The following FBXL7 variants were observed in gnomAD, a reference collection of about 807,000 sequenced individuals.
FBXL7 encodes F-box and leucine rich repeat protein 7.
A neutral mutation model predicts 38.3 loss-of-function variants in FBXL7; 12 were observed. The observed-to-expected ratio is 0.31, with a 90% CI of 0.20 to 0.51. The LOEUF (loss-of-function observed/expected upper bound fraction) is 0.51, where lower values mean the gene tolerates loss of function less well. Among genes scored for constraint, FBXL7 ranks in the 20% least tolerant of loss-of-function variants. The pLI, the probability that FBXL7 is intolerant of heterozygous loss-of-function variation, is 0.98. For missense variants in FBXL7, 567 were observed against 676.4 expected, an observed-to-expected ratio of 0.84 and a Z score of 1.79; for synonymous variants, 297 against 300.9, an observed-to-expected ratio of 0.99 and a Z score of 0.13.
intron 1 of FBXL7, among the ~76,000 whole-genome samples, chr5:15,514,490 A>G (rs1346957161): frequency 6.6e-6 from 1 of 152,210 alleles, no homozygotes; most frequent in African/African-American, 2.4e-5. Context: ...ATAATGGTGA[A>G]GATGACCTCA....
intron 1 of FBXL7, among the ~76,000 whole-genome samples, chr5:15,529,328 C>G (rs1737350746): frequency 6.6e-6 from 1 of 151,972 alleles, no homozygotes; most frequent in African/African-American, 2.4e-5. Context: ...ATGATAGATA[C>G]CTGGGTTGAT....
At chr5:15,582,533 A>G (rs1580384453) in intron 1 of FBXL7, among the ~76,000 whole-genome samples, 1 of 152,226 alleles carries the variant, frequency 6.6e-6, no homozygotes, top group African/African-American at 2.4e-5. Context: ...CAACATTGCC[A>G]TGCCAATGAG....
intron 1 of FBXL7, 63 bp downstream of exon 1, chr5:15,500,776 C>G (rs1454751138): frequency 6.4e-7 from 1 of 1,574,062 alleles, no homozygotes; most frequent in Non-Finnish European, 8.7e-7. Flanking sequence ...CCCTCGCCCT[C>G]CCGACTGGGA....
chr5:15,700,538 T>C (rs191519249), intron 2 of FBXL7, among the ~76,000 whole-genome samples: 196 of 152,330 alleles, frequency 1.3e-3, no homozygotes, highest in Admixed American at 3.0e-3. Flanking sequence ...GAGGAAAGAA[T>C]TGGGCCTTCA....
At chr5:15,843,825 T>C (rs926245428) in intron 2 of FBXL7, among the ~76,000 whole-genome samples, 13 of 151,708 alleles carry the variant, frequency 8.6e-5, no homozygotes, top group Non-Finnish European at 1.8e-4. Context: ...TTCCTAAATA[T>C]ATAGCTTAAT....
chr5:15,676,692 A>G (rs1379642701), intron 2 of FBXL7, among the ~76,000 whole-genome samples: 3 of 152,184 alleles, frequency 2.0e-5, no homozygotes, highest in Non-Finnish European at 2.9e-5. Context: ...CAATTACAAG[A>G]GCAGGGCCAT....
intron 2 of FBXL7, among the ~76,000 whole-genome samples, chr5:15,895,710 C>T (rs1052302129): frequency 1.5e-5 from 2 of 133,150 alleles, no homozygotes; most frequent in African/African-American, 5.7e-5. Context: ...GTGGCGCAAA[C>T]TCGGCTCACT....
intron 2 of FBXL7, among the ~76,000 whole-genome samples, chr5:15,634,647 A>G (rs1183852491): frequency 6.6e-6 from 1 of 152,166 alleles, no homozygotes; most frequent in African/African-American, 2.4e-5. Flanking sequence ...TGATGCTACT[A>G]TAACAAATGA....
chr5:15,640,592 G>A (rs1462600434), intron 2 of FBXL7, among the ~76,000 whole-genome samples: 1 of 150,340 alleles, frequency 6.7e-6, no homozygotes, highest in Admixed American at 6.7e-5. Context: ...GGTGCAATCT[G>A]GGCTCACTGC....
At chr5:15,754,308 TAA>T (rs1736234231) in intron 2 of FBXL7, among the ~76,000 whole-genome samples, 2 of 152,186 alleles carry the variant, frequency 1.3e-5, no homozygotes, top group African/African-American at 2.4e-5. Context: ...TAGAACTGAA[TAA>T]GAGCAGAAAT....
chr5:15,914,200 C>A (rs2126431469), intron 2 of FBXL7, among the ~76,000 whole-genome samples: 1 of 152,130 alleles, frequency 6.6e-6, no homozygotes. Context: ...TCCTGGCTAA[C>A]ATGATAAAAC....
intron 2 of FBXL7, among the ~76,000 whole-genome samples, chr5:15,662,109 T>C (rs540646035): frequency 6.6e-6 from 1 of 152,310 alleles, no homozygotes; most frequent in South Asian, 2.1e-4. Flanking sequence ...ATTGCTTTCC[T>C]TAATGGTTGA....
At chr5:15,636,961 T>TTTGTTGTTG (rs34970984) in intron 2 of FBXL7, among the ~76,000 whole-genome samples, 1 of 151,626 alleles carries the variant, frequency 6.6e-6, no homozygotes, top group South Asian at 2.1e-4. Context: ...CAGAAATTTT[T>TTTGTTGTTG]TTGTTGTTTT....
At position 15,722,916 on chromosome 5, in the gene FBXL7, C is replaced by T. The variant is rs552283207; in HGVS notation, c.127+106844C>T. Among the ~76,000 whole-genome samples the T allele has an allele frequency of 2.6e-4, 13 of 49,174 alleles. No homozygotes were observed. The South Asian group carries it at 4.2e-3, about 16-fold the overall frequency. 32.3% of individuals were successfully genotyped at this position (49,174 alleles called of 152,430 possible). ...CCAGCCTGCTGACAGAGCAAGACTC[C>T]GTCTCAAAAAAAACAAAAAAAAAAA... is the stretch of plus-strand genomic sequence containing the variant. On this transcript the variant is annotated intron_variant, in intron 2 of 3. Transcript: ENST00000504595.
intron 2 of FBXL7, among the ~76,000 whole-genome samples, chr5:15,742,714 A>C (rs1263247069): frequency 6.6e-6 from 1 of 152,164 alleles, no homozygotes; most frequent in African/African-American, 2.4e-5. Flanking sequence ...ATTATATTGA[A>C]TTTTCCATAA....
At chr5:15,864,638 G>A (rs1016476198) in intron 2 of FBXL7, among the ~76,000 whole-genome samples, 6 of 152,150 alleles carry the variant, frequency 3.9e-5, no homozygotes, top group African/African-American at 1.4e-4. Context: ...ACCAAACTTG[G>A]CAGAAATCGC....
intron 2 of FBXL7, among the ~76,000 whole-genome samples, chr5:15,653,078 T>C (rs1300286397): frequency 2.6e-5 from 4 of 152,244 alleles, no homozygotes; most frequent in African/African-American, 4.8e-5. Context: ...AAGTTCGCCA[T>C]CTTATGTAAG....
intron 2 of FBXL7, among the ~76,000 whole-genome samples, chr5:15,760,226 AC>A (rs1388187934): frequency 6.6e-6 from 1 of 152,072 alleles, no homozygotes; most frequent in Non-Finnish European, 1.5e-5. Context: ...CATTGTGCAC[AC>A]CTACAAAGCA....
intron 2 of FBXL7, among the ~76,000 whole-genome samples, chr5:15,756,488 T>A (rs1322551753): frequency 6.6e-6 from 1 of 152,200 alleles, no homozygotes; most frequent in Non-Finnish European, 1.5e-5. Flanking sequence ...TGCCGCCATT[T>A]GGAAATATCT....
Sources: allele counts gnomAD v4.1 joint callset (sites outside exome capture counted in the v4.1 genomes callset), GRCh38; gene constraint gnomAD v4.1.1; transcripts MANE v1.5; gene names NCBI Gene and HGNC (gene_info 2026-07-23, HGNC 2026-07-21).